The following CCDC85A variants were observed in gnomAD, a reference collection of about 807,000 sequenced individuals.
The protein encoded by CCDC85A is coiled-coil domain containing 85A, also known as coiled-coil domain-containing protein 85A.
A neutral mutation model predicts 50.2 loss-of-function variants in CCDC85A; 38 were observed. The observed-to-expected ratio is 0.76, with a 90% CI of 0.58 to 0.99. CCDC85A has a LOEUF of 0.99. Ranked by LOEUF, CCDC85A falls within the 50% of genes least tolerant of loss-of-function variation. The pLI is 0.00. For synonymous variants in CCDC85A, 366 were observed against 301.4 expected, an observed-to-expected ratio of 1.21 and a Z score of -2.22; for missense variants, 820 against 742.0, an observed-to-expected ratio of 1.11 and a Z score of -1.22.
chr2:56,233,656 C>T (rs1668874310), intron 2 of CCDC85A, among the ~76,000 whole-genome samples: 1 of 152,078 alleles, frequency 6.6e-6, no homozygotes, highest in South Asian at 2.1e-4. Flanking sequence ...CAAAAACAAG[C>T]AACAGGTTGG....
intron 2 of CCDC85A, among the ~76,000 whole-genome samples, chr2:56,204,101 G>T (rs1169526521): frequency 6.6e-6 from 1 of 152,056 alleles, no homozygotes; most frequent in Non-Finnish European, 1.5e-5. Flanking sequence ...GATTTCACAG[G>T]TAAATAAAAC....
intron 2 of CCDC85A, among the ~76,000 whole-genome samples, chr2:56,263,255 G>T (rs1193547958): frequency 6.6e-6 from 1 of 152,146 alleles, no homozygotes; most frequent in African/African-American, 2.4e-5. Context: ...TCTTTGTCTT[G>T]CACTGCCCAA....
At chr2:56,218,338 C>G (rs1009399995) in intron 2 of CCDC85A, among the ~76,000 whole-genome samples, 1 of 151,706 alleles carries the variant, frequency 6.6e-6, no homozygotes, top group East Asian at 1.9e-4. Context: ...TAAAAAATAA[C>G]CTTTTAATTT....
intron 2 of CCDC85A, among the ~76,000 whole-genome samples, chr2:56,294,368 G>A (rs1416180465): frequency 6.6e-5 from 10 of 152,280 alleles, no homozygotes; most frequent in African/African-American, 2.4e-4. Flanking sequence ...GTTGATAGAT[G>A]TGGCAAACCA....
intron 3 of CCDC85A, among the ~76,000 whole-genome samples, chr2:56,358,007 A>T (rs984570553): frequency 5.3e-5 from 8 of 152,128 alleles, no homozygotes; most frequent in African/African-American, 1.9e-4. Flanking sequence ...AGGTGAGAGA[A>T]TGTCACCTAT....
chr2:56,313,941 T>G (rs1464258910), intron 2 of CCDC85A, among the ~76,000 whole-genome samples: 1 of 149,016 alleles, frequency 6.7e-6, no homozygotes, highest in Non-Finnish European at 1.5e-5. Flanking sequence ...GGAGATAGTG[T>G]TGTTGTAAGC....
chr2:56,251,506 T>G (rs988533267), intron 2 of CCDC85A, among the ~76,000 whole-genome samples: 65 of 152,188 alleles, frequency 4.3e-4, no homozygotes, highest in African/African-American at 1.5e-3. Context: ...TTCTTTTTCC[T>G]TCTCTATTAA....
At chr2:56,351,405 T>G (rs1386983020) in intron 3 of CCDC85A, among the ~76,000 whole-genome samples, 2 of 147,356 alleles carry the variant, frequency 1.4e-5, no homozygotes, top group Non-Finnish European at 3.0e-5. Context: ...TTTCCAGTTC[T>G]AGATCCCTGA....
At position 56,252,366 on chromosome 2, in the gene CCDC85A, A is replaced by G. The variant is rs1250880865; in HGVS notation, c.1240+58926A>G. Among the ~76,000 whole-genome samples, 3 of 152,080 alleles carry G rather than the reference A, an allele frequency of 2.0e-5. No individual in the cohort carries two copies. In the South Asian group the frequency reaches 6.2e-4, roughly 32 times the overall value. ...TGACCTCATCAACTATTTTTTAAGT[A>G]CTTAACTAGGCCAGGTATTGTAGGG... On this transcript the variant is annotated intron_variant, in intron 2 of 5. Coordinates refer to ENST00000407595, the MANE Select transcript of CCDC85A (RefSeq NM_001080433.2).
At chr2:56,332,392 T>C (rs1312600080) in intron 2 of CCDC85A, among the ~76,000 whole-genome samples, 1 of 152,120 alleles carries the variant, frequency 6.6e-6, no homozygotes, top group African/African-American at 2.4e-5. Flanking sequence ...CACCCATAGA[T>C]TTGGTGTCTG....
chr2:56,193,197 G>A lies in CCDC85A; in HGVS notation c.997G>A (p.Gly333Arg). Residue 333 changes from glycine to arginine, a missense_variant, in exon 2 of 6, where the codon GGA (glycine) becomes AGA (arginine). By Grantham distance (125) the Gly-to-Arg change is moderately radical (BLOSUM62 -2). Coordinates refer to ENST00000407595, the MANE Select transcript of CCDC85A (RefSeq NM_001080433.2). Reference sequence around the variant, plus strand: ...CAGCCCTGAACACGCCAGGCACAGTGGAGGGAGCCCGGAGCATCTTCAGAA... The same window carrying A: ...CAGCCCTGAACACGCCAGGCACAGTAGAGGGAGCCCGGAGCATCTTCAGAA... Reference protein sequence around the residue: ...GSSPEHARHSGGSPEHLQKHA... With the variant: ...GSSPEHARHSRGSPEHLQKHA... 1 of 1,612,802 alleles carries A rather than the reference G, an allele frequency of 6.2e-7. No homozygotes were observed. The highest frequency in any genetic ancestry group is 8.5e-7 in the Non-Finnish European group (1 of 1,179,358).
intron 2 of CCDC85A, among the ~76,000 whole-genome samples, chr2:56,267,722 C>T (rs899319997): frequency 4.6e-5 from 7 of 152,158 alleles, no homozygotes; most frequent in African/African-American, 1.7e-4. Context: ...TCATTGGGAA[C>T]ACTGGAGAGT....
At chr2:56,310,306 T>C (rs1199615404) in intron 2 of CCDC85A, among the ~76,000 whole-genome samples, 1 of 152,096 alleles carries the variant, frequency 6.6e-6, no homozygotes. Flanking sequence ...AGGACACAGT[T>C]TTTGACTGAC....
chr2:56,239,956 C>T (rs916276323), intron 2 of CCDC85A, among the ~76,000 whole-genome samples: 7 of 152,090 alleles, frequency 4.6e-5, no homozygotes, highest in Non-Finnish European at 1.5e-5. Context: ...CCAAGATTTA[C>T]ATACTTTAAA....
At chr2:56,358,904 C>T (rs1675372927) in intron 3 of CCDC85A, among the ~76,000 whole-genome samples, 1 of 151,886 alleles carries the variant, frequency 6.6e-6, no homozygotes, top group African/African-American at 2.4e-5. Flanking sequence ...TCTGCCTCAG[C>T]CTCCCATGTA....
intron 2 of CCDC85A, among the ~76,000 whole-genome samples, chr2:56,239,386 G>C (rs1264960775): frequency 1.3e-5 from 2 of 152,036 alleles, no homozygotes; most frequent in Non-Finnish European, 2.9e-5. Flanking sequence ...CTAAAGCCTT[G>C]TGTTTGCTAA....
chr2:56,272,114 C>T (rs1238280667), intron 2 of CCDC85A, among the ~76,000 whole-genome samples: 2 of 152,086 alleles, frequency 1.3e-5, no homozygotes, highest in Non-Finnish European at 2.9e-5. Flanking sequence ...TAACTCCTTT[C>T]CCTCTCCACC....
intron 3 of CCDC85A, among the ~76,000 whole-genome samples, chr2:56,353,893 T>G (rs1192735953): frequency 3.9e-5 from 6 of 152,206 alleles, no homozygotes; most frequent in Admixed American, 2.0e-4. Context: ...CAGCCACAAC[T>G]GTGAGCATAG....
rs558663042 is a variant in CCDC85A at position 56,370,344 on chromosome 2, G to C, written c.1318-2000G>C. ...ATTAGTGTATAAATACCATTTTGAT[G>C]TAGTTTATTTGAAAGTTAATGATGA... On this transcript the variant is annotated intron_variant, in intron 3 of 5. Transcript: ENST00000407595. 5.3e-5 allele frequency among the ~76,000 whole-genome samples: 8 copies of C among 152,160 alleles called. No homozygotes were observed. In the South Asian group the frequency reaches 1.7e-3, roughly 32 times the overall value.
Sources: gnomAD v4.1 joint callset for allele counts (sites outside exome capture counted in the v4.1 genomes callset) on GRCh38, gnomAD v4.1.1 for gene constraint, MANE v1.5 for transcripts, NCBI Gene and HGNC (gene_info 2026-07-23, HGNC 2026-07-21) for gene names.